Variants in ANKRD13C observed in about 807,000 individuals in gnomAD.
The protein encoded by ANKRD13C is ankyrin repeat domain 13C.
Under a neutral mutation model 65.5 loss-of-function variants are expected in ANKRD13C, and 16 were observed. That is an observed-to-expected ratio of 0.24 (90% CI 0.17 to 0.37). The LOEUF (loss-of-function observed/expected upper bound fraction) is 0.37, where lower values mean the gene tolerates loss of function less well. ANKRD13C is among the 10% of genes least tolerant of loss of function. ANKRD13C has a pLI of 1.00. For synonymous variants in ANKRD13C, 235 were observed against 238.7 expected (o/e 0.98, Z 0.14); for missense variants, 503 against 655.9 (o/e 0.77, Z 2.55).
intron 12 of ANKRD13C, among the ~76,000 whole-genome samples, chr1:70,267,235 C>T (rs1678667679): frequency 6.6e-6 from 1 of 152,114 alleles, no homozygotes; most frequent in Non-Finnish European, 1.5e-5. Context: ...TTTAATATGG[C>T]CAATCCTGTT....
intron 4 of ANKRD13C, among the ~76,000 whole-genome samples, chr1:70,314,747 A>C (rs1393331420): frequency 6.6e-6 from 1 of 152,052 alleles, no homozygotes; most frequent in East Asian, 1.9e-4. Context: ...ATCTAAAAAA[A>C]AAAAAAAGCA....
At chr1:70,269,191 TAAAC>T (rs1678771941) in intron 12 of ANKRD13C, among the ~76,000 whole-genome samples, 1 of 152,134 alleles carries the variant, frequency 6.6e-6, no homozygotes, top group South Asian at 2.1e-4. Flanking sequence ...GAGAAATAGT[TAAAC>T]AAATACCCCA....
At chr1:70,340,901 AG>A (rs1558312903) in intron 1 of ANKRD13C, among the ~76,000 whole-genome samples, 1 of 152,168 alleles carries the variant, frequency 6.6e-6, no homozygotes, top group Non-Finnish European at 1.5e-5. Flanking sequence ...TCACGAGCTC[AG>A]GAGCTTGAGA....
intron 2 of ANKRD13C, among the ~76,000 whole-genome samples, chr1:70,331,089 C>T (rs984551229): frequency 6.6e-6 from 1 of 152,126 alleles, no homozygotes; most frequent in Non-Finnish European, 1.5e-5. Context: ...ATTCTCTTTA[C>T]CTCAATCAAA....
intron 7 of ANKRD13C, among the ~76,000 whole-genome samples, chr1:70,298,203 G>A (rs750986541): frequency 6.6e-6 from 1 of 152,100 alleles, no homozygotes; most frequent in Non-Finnish European, 1.5e-5. Flanking sequence ...ACTGAACACT[G>A]TATAACCCAT....
intron 7 of ANKRD13C, among the ~76,000 whole-genome samples, chr1:70,298,714 A>G (rs969162245): frequency 8.5e-5 from 13 of 152,182 alleles, no homozygotes; most frequent in Non-Finnish European, 1.6e-4. Context: ...TATTTAATAA[A>G]TATCTGAGAG....
rs751491542 is a variant in ANKRD13C, at chr1:70,354,151, A to T, written c.258T>A (p.Thr86=). The T allele has an allele frequency of 3.1e-6, 5 of 1,614,132 alleles. No homozygotes were observed. The Admixed American group carries it at 5.0e-5, about 16-fold the overall frequency. The change falls in exon 1 of 13, where the codon ACT becomes ACA. Residue 86 remains threonine, a synonymous_variant. Transcript: ENST00000370944. ...PALPLHNSSV[T]ANSQSPALLA... The stretch of plus-strand genomic sequence containing the variant: ...GAAGGGCCGGGGACTGGGAGTTGGC[A>T]GTCACGGAGGAATTGTGCAGCGGCA...
intron 1 of ANKRD13C, among the ~76,000 whole-genome samples, chr1:70,346,294 A>G (rs941445950): frequency 2.0e-5 from 3 of 152,194 alleles, no homozygotes; most frequent in Admixed American, 2.0e-4. Context: ...AAAAACATTA[A>G]GTAAAATGGC....
intron 12 of ANKRD13C, among the ~76,000 whole-genome samples, chr1:70,263,214 T>C (rs1678463658): frequency 6.6e-6 from 1 of 152,204 alleles, no homozygotes; most frequent in Non-Finnish European, 1.5e-5. Context: ...CAGATTATAG[T>C]ATATTTACTA....
chr1:70,282,516 T>A (rs1456912487), intron 9 of ANKRD13C, among the ~76,000 whole-genome samples: 1 of 152,200 alleles, frequency 6.6e-6, no homozygotes, highest in Non-Finnish European at 1.5e-5. Flanking sequence ...CTTGTTTAAG[T>A]CACTGTTCTT....
chr1:70,339,967 A>G (rs1298871188), intron 1 of ANKRD13C, among the ~76,000 whole-genome samples: 1 of 151,374 alleles, frequency 6.6e-6, no homozygotes, highest in Non-Finnish European at 1.5e-5. Flanking sequence ...CTCCCATCTC[A>G]GCCTCCCAAG....
intron 2 of ANKRD13C, among the ~76,000 whole-genome samples, chr1:70,331,636 G>A (rs952033603): frequency 1.3e-5 from 2 of 151,944 alleles, no homozygotes; most frequent in African/African-American, 4.8e-5. Flanking sequence ...GAGGTCAGGA[G>A]TTTGAGACCA....
chr1:70,274,473 C>CAAAAAAAAAAAAA (rs769480539), intron 11 of ANKRD13C, among the ~76,000 whole-genome samples: 2 of 38,670 alleles, frequency 5.2e-5, no homozygotes, highest in Non-Finnish European at 5.6e-5. Context: ...GACTCCATCT[C>CAAAAAAAAAAAAA]AAAAAAAAAA....
At chr1:70,295,539 C>T (rs1254851642) in intron 8 of ANKRD13C, among the ~76,000 whole-genome samples, 1 of 152,106 alleles carries the variant, frequency 6.6e-6, no homozygotes, top group East Asian at 1.9e-4. Context: ...AGCCACCACG[C>T]CTAGCCTCAA....
At chr1:70,271,157 A>G (rs913806496) in intron 11 of ANKRD13C, among the ~76,000 whole-genome samples, 2 of 152,112 alleles carry the variant, frequency 1.3e-5, no homozygotes, top group African/African-American at 4.8e-5. Flanking sequence ...AATTTTCACA[A>G]TTGTTTGATT....
At chr1:70,342,739 A>AACACAC (rs373447795) in intron 1 of ANKRD13C, among the ~76,000 whole-genome samples, 2,123 of 115,332 alleles carry the variant, frequency 0.018, 26 homozygotes, top group Middle Eastern at 0.054. Context: ...CACACACAAT[A>AACACAC]ACACACACAC....
chr1:70,312,008 A>G (rs1680869052), intron 5 of ANKRD13C, among the ~76,000 whole-genome samples: 1 of 152,084 alleles, frequency 6.6e-6, no homozygotes, highest in Non-Finnish European at 1.5e-5. Flanking sequence ...TCAAGACAGT[A>G]GAAAACTACT....
chr1:70,323,827 C>A (rs967381818), intron 3 of ANKRD13C, among the ~76,000 whole-genome samples: 3 of 151,128 alleles, frequency 2.0e-5, no homozygotes, highest in East Asian at 2.0e-4. Context: ...CAGGCTCAGG[C>A]GATTCTCGTG....
Position 70,260,337 on chromosome 1 carries a change from T to C in ANKRD13C, c.*2380A>G, listed in dbSNP as rs1006407145. On this transcript the variant is annotated 3_prime_UTR_variant, in exon 13 of 13. Coordinates refer to ENST00000370944, the MANE Select transcript of ANKRD13C (RefSeq NM_030816.5). ...GAAACCATATCTTCTCTGGATACCA[T>C]ACCAGTGGGCAAGAATATTAACCAT... 6.6e-6 allele frequency among the ~76,000 whole-genome samples: 1 copy of C among 152,260 alleles called. No individual in the cohort carries two copies.
Sources: gnomAD v4.1 joint callset for allele counts (sites outside exome capture counted in the v4.1 genomes callset) on GRCh38, gnomAD v4.1.1 for gene constraint, MANE v1.5 for transcripts, NCBI Gene and HGNC (gene_info 2026-07-23, HGNC 2026-07-21) for gene names.